KIAA1328: variants seen among roughly 807,000 people sequenced by gnomAD.
The protein encoded by KIAA1328 is protein hinderin.
Under a neutral mutation model 68.1 loss-of-function variants are expected in KIAA1328, and 52 were observed. That is an observed-to-expected ratio of 0.76 (90% CI 0.61 to 0.96). KIAA1328 has a LOEUF of 0.96. KIAA1328 is among the 40% of genes least tolerant of loss of function. The pLI is 0.00. For synonymous variants in KIAA1328, 232 were observed against 239.4 expected (o/e 0.97, Z 0.28); for missense variants, 641 against 677.6 (o/e 0.95, Z 0.60).
chr18:37,061,371 G>A (rs2056140175), intron 6 of KIAA1328, among the ~76,000 whole-genome samples: 1 of 152,126 alleles, frequency 6.6e-6, no homozygotes, highest in Admixed American at 6.6e-5. Flanking sequence ...GAACTTTCTG[G>A]GGTAATGGAA....
intron 4 of KIAA1328, among the ~76,000 whole-genome samples, chr18:36,869,776 G>A (rs1483108269): frequency 6.6e-6 from 1 of 152,190 alleles, no homozygotes; most frequent in South Asian, 2.1e-4. Flanking sequence ...CAATTATTTA[G>A]GTTACTGCCT....
At chr18:37,185,868 G>A (rs564164339) in intron 9 of KIAA1328, among the ~76,000 whole-genome samples, 4 of 151,512 alleles carry the variant, frequency 2.6e-5, no homozygotes, top group South Asian at 2.1e-4. Context: ...TTTCTTGTGC[G>A]GAAATTCATT....
chr18:37,054,572 A>G (rs543303832), intron 6 of KIAA1328, among the ~76,000 whole-genome samples: 2 of 152,338 alleles, frequency 1.3e-5, no homozygotes, highest in African/African-American at 4.8e-5. Flanking sequence ...CAAAAAGTCA[A>G]ATACCACACG....
chr18:36,852,931 A>G (rs1218466026), intron 4 of KIAA1328, among the ~76,000 whole-genome samples: 1 of 152,024 alleles, frequency 6.6e-6, no homozygotes, highest in Non-Finnish European at 1.5e-5. Context: ...TTATTCTAGA[A>G]CTGTTTATTT....
At position 36,983,538 on chromosome 18, in the gene KIAA1328, C is replaced by T. The variant is rs116452545; in HGVS notation, c.576+24103C>T. ...AGAACACTTCAAAAATACTATCAAC[C>T]AATTTGATGTAATTGCCGTTATGAG... On this transcript the variant is annotated intron_variant, in intron 6 of 9. Transcript: ENST00000280020. Among the ~76,000 whole-genome samples the T allele has an allele frequency of 6.7e-3, 1,022 of 151,746 alleles. 16 individuals carry two copies. The highest frequency in any genetic ancestry group is 0.023 in the African/African-American group (947 of 41,414).
chr18:36,972,572 C>CT (rs1245551398), intron 6 of KIAA1328, among the ~76,000 whole-genome samples: 3 of 152,148 alleles, frequency 2.0e-5, no homozygotes, highest in African/African-American at 7.2e-5. Context: ...CTTCGGCCTA[C>CT]TTTTTTTGGT....
chr18:37,182,380 G>A (rs551179355), intron 9 of KIAA1328, among the ~76,000 whole-genome samples: 3 of 152,232 alleles, frequency 2.0e-5, no homozygotes, highest in East Asian at 3.9e-4. Context: ...GTGGTTTATA[G>A]GCCTAGGTTT....
At position 36,996,886 on chromosome 18, in the gene KIAA1328, T is replaced by C. The variant is rs550677818; in HGVS notation, c.576+37451T>C. 2.7e-4 allele frequency among the ~76,000 whole-genome samples: 41 copies of C among 152,352 alleles called. 1 individual carries two copies. The South Asian group carries it at 8.1e-3, about 30-fold the overall frequency. On this transcript the variant is annotated intron_variant, in intron 6 of 9. Transcript: ENST00000280020. ...CAAGTTTTTAGGAGAAAATTTCTTA[T>C]GTCTAGAAGTAAACGTTTAGATCTG...
intron 5 of KIAA1328, among the ~76,000 whole-genome samples, chr18:36,890,931 C>T (rs1364584519): frequency 6.6e-6 from 1 of 152,100 alleles, no homozygotes; most frequent in African/African-American, 2.4e-5. Context: ...GCAAAATTAA[C>T]TAATCAGCCT....
At chr18:37,069,159 C>G (rs541704596) in intron 7 of KIAA1328, among the ~76,000 whole-genome samples, 2 of 152,086 alleles carry the variant, frequency 1.3e-5, no homozygotes, top group East Asian at 3.9e-4. Context: ...ATTAAACCAG[C>G]CTTGCATCCC....
At chr18:37,097,670 G>C (rs2057455584) in intron 7 of KIAA1328, among the ~76,000 whole-genome samples, 1 of 152,150 alleles carries the variant, frequency 6.6e-6, no homozygotes, top group African/African-American at 2.4e-5. Flanking sequence ...TGGGCAGTGT[G>C]GCCATTTTCA....
intron 9 of KIAA1328, among the ~76,000 whole-genome samples, chr18:37,185,028 T>C (rs1030294610): frequency 6.6e-6 from 1 of 151,726 alleles, no homozygotes; most frequent in Non-Finnish European, 1.5e-5. Context: ...TAGCTGGGCG[T>C]GGTGGCGGGT....
At chr18:36,903,085 C>A (rs1258084839) in intron 5 of KIAA1328, among the ~76,000 whole-genome samples, 1 of 151,884 alleles carries the variant, frequency 6.6e-6, no homozygotes, top group African/African-American at 2.4e-5. Context: ...GTTTTCCTGA[C>A]TTTAAAAAAA....
At chr18:36,951,036 T>A (rs1457090098) in intron 5 of KIAA1328, among the ~76,000 whole-genome samples, 1 of 152,220 alleles carries the variant, frequency 6.6e-6, no homozygotes, top group Non-Finnish European at 1.5e-5. Context: ...CTGGACACAG[T>A]CGACTTCATC....
downstream of KIAA1328, chr18:37,229,528 G>A: frequency 7.9e-7 from 1 of 1,265,744 alleles, no homozygotes; most frequent in South Asian, 1.3e-5. Context: ...TGGGGTGGGA[G>A]GGTCATTTTT....
intron 6 of KIAA1328, among the ~76,000 whole-genome samples, chr18:37,024,819 A>C (rs1183736432): frequency 6.6e-6 from 1 of 152,064 alleles, no homozygotes; most frequent in African/African-American, 2.4e-5. Context: ...GCTATTGTGA[A>C]TAGTGATGCA....
At chr18:36,915,486 A>G (rs2049655668) in intron 5 of KIAA1328, among the ~76,000 whole-genome samples, 1 of 152,192 alleles carries the variant, frequency 6.6e-6, no homozygotes, top group Non-Finnish European at 1.5e-5. Context: ...ACTCAACAAT[A>G]AGAAAACAAT....
At chr18:37,041,767 C>T (rs1448520030) in intron 6 of KIAA1328, among the ~76,000 whole-genome samples, 2 of 151,676 alleles carry the variant, frequency 1.3e-5, no homozygotes, top group Non-Finnish European at 2.9e-5. Context: ...TGCTTCTTAA[C>T]CTATTACAGT....
At position 36,829,153 on chromosome 18, in the gene KIAA1328, G is replaced by C. The variant is rs777638337; in HGVS notation, c.15G>C (p.Ala5=). 7.8e-6 allele frequency: 12 copies of C among 1,533,558 alleles called. No individual in the cohort carries two copies. The highest frequency in any genetic ancestry group is 4.2e-5 in the African/African-American group (3 of 70,984). 95.0% of individuals were successfully genotyped at this position (1,533,558 alleles called of 1,614,324 possible). A position where few individuals can be genotyped will look rare whatever the true frequency, so the allele number is the denominator to read the frequency against. The change falls in exon 1 of 10, where the codon GCG becomes GCC. Residue 5 remains alanine, a synonymous_variant. Transcript: ENST00000280020. The part of the protein sequence containing the change: MADV[A]GPSRPSAAAF... ...GTTGTTTCAAGATGGCGGACGTGGC[G>C]GGCCCCTCCCGCCCCAGTGCCGCGG...
Sources: allele counts gnomAD v4.1 joint callset (sites outside exome capture counted in the v4.1 genomes callset), GRCh38; gene constraint gnomAD v4.1.1; transcripts MANE v1.5; gene names NCBI Gene and HGNC (gene_info 2026-07-23, HGNC 2026-07-21).